DOP1B: variants seen among roughly 807,000 people sequenced by gnomAD.
The protein encoded by DOP1B is protein DOP1B.
Under a neutral mutation model 233.5 loss-of-function variants are expected in DOP1B, and 174 were observed. The observed-to-expected ratio is 0.75, with a 90% confidence interval of 0.66 to 0.85. DOP1B has a LOEUF of 0.85. Ranked by LOEUF, DOP1B falls within the 40% of genes least tolerant of loss-of-function variation. The pLI is 0.00. For synonymous variants in DOP1B, 1,190 were observed against 1,185.6 expected (o/e 1.00, Z -0.08); for missense variants, 2,652 against 2,846.6 (o/e 0.93, Z 1.56).
Position 36,203,235 on chromosome 21 carries a change from C to A in DOP1B, c.491+2734C>A, listed in dbSNP as rs181621591. 2.2e-3 allele frequency among the ~76,000 whole-genome samples: 333 copies of A among 152,230 alleles called. 1 individual carries two copies. Among genetic ancestry groups the A allele is most frequent in the African/African-American group, 7.5e-3 (311 of 41,516 alleles). ...TTTAGCTGTGACAGAAAACCAAATG[C>A]AGTGTGGCACCCAGAAGTGATTAGT... is the stretch of plus-strand genomic sequence containing the variant. On this transcript the variant is annotated intron_variant, in intron 4 of 36. Transcript: ENST00000691173.
At chr21:36,286,170 C>CT (rs1389084655) in intron 32 of DOP1B, among the ~76,000 whole-genome samples, 2 of 152,048 alleles carry the variant, frequency 1.3e-5, no homozygotes, top group Non-Finnish European at 2.9e-5. Flanking sequence ...TGACATCAGT[C>CT]TTACGTCTTT....
chr21:36,177,852 C>T (rs2066049876), intron 2 of DOP1B, among the ~76,000 whole-genome samples: 1 of 152,154 alleles, frequency 6.6e-6, no homozygotes, highest in Non-Finnish European at 1.5e-5. Flanking sequence ...AATTTATTTT[C>T]TTTATAAATG....
At chr21:36,229,275 A>G (rs1269435654) in intron 13 of DOP1B, among the ~76,000 whole-genome samples, 1 of 152,184 alleles carries the variant, frequency 6.6e-6, no homozygotes, top group African/African-American at 2.4e-5. Context: ...CCAGGGCCTG[A>G]CACGAAGGTG....
chr21:36,197,871 T>A (rs2066309752), intron 2 of DOP1B, among the ~76,000 whole-genome samples: 2 of 151,476 alleles, frequency 1.3e-5, no homozygotes, highest in African/African-American at 4.9e-5. Context: ...ATTAGCTGGA[T>A]GTGGTGGCGT....
At chr21:36,275,618 C>CA (rs111840768) in intron 27 of DOP1B, among the ~76,000 whole-genome samples, 61,059 of 132,092 alleles carry the variant, frequency 0.46, 12,704 homozygotes, top group Middle Eastern at 0.57. Context: ...GAACTTGTCT[C>CA]AAAAAAAAAA....
chr21:36,281,743 G>T, intron 32 of DOP1B, 132 bp downstream of exon 32: 1 of 801,268 alleles, frequency 1.2e-6, no homozygotes, highest in Non-Finnish European at 1.8e-6. Flanking sequence ...GCTGGCGTCT[G>T]GCAAGGGCCT....
chr21:36,218,506 G>C (rs1022092510), intron 9 of DOP1B, among the ~76,000 whole-genome samples: 1 of 152,032 alleles, frequency 6.6e-6, no homozygotes, highest in African/African-American at 2.4e-5. Context: ...CTGGGCAACA[G>C]AGCAAGACTC....
Position 36,281,486 on chromosome 21 carries a change from T to C in DOP1B, c.6035T>C (p.Met2012Thr). The C allele has an allele frequency of 6.3e-7, 1 of 1,598,218 alleles. No homozygotes were observed. Among genetic ancestry groups the C allele is most frequent in the Non-Finnish European group, 8.6e-7 (1 of 1,167,210 alleles). Residue 2012 changes from methionine (M) to threonine (T), a missense_variant, in exon 32 of 37, where the codon ATG becomes ACG. Around this residue, in one of 3 missense-constraint regions of DOP1B, gnomAD observed 2,617 missense variants for 2,794.3 expected, o/e 0.94. Coordinates refer to ENST00000691173, the MANE Select transcript of DOP1B (RefSeq NM_001320714.2). The stretch of plus-strand genomic sequence containing the variant: ...AACATTGCTGTATTTATTCTAGACA[T>C]GCAGAGCAGTTCTTTGAAACTATTC... ...EKTMFKDLMNMQSSSLKLFSS... is the reference protein window; with the variant it reads ...EKTMFKDLMNTQSSSLKLFSS...
At chr21:36,220,597 C>A (rs2066612903) in intron 10 of DOP1B, among the ~76,000 whole-genome samples, 1 of 151,910 alleles carries the variant, frequency 6.6e-6, no homozygotes, top group African/African-American at 2.4e-5. Flanking sequence ...GTCTCCTGGG[C>A]TCAAGCGATC....
rs151275062 is a variant in DOP1B, at chr21:36,233,015, G to A, written c.2562G>A (p.Thr854=). 1.2e-4 allele frequency: 191 copies of A among 1,613,922 alleles called. 1 individual carries two copies. Among genetic ancestry groups the A allele is most frequent in the Non-Finnish European group, 1.3e-4 (158 of 1,180,010 alleles). The change falls in exon 15 of 37, where the codon ACG becomes ACA. Residue 854 remains threonine, a synonymous_variant. Transcript: ENST00000691173. ...NPFFGKLQMV[T]VPPIAPGILK... ...TTTTTGGCAAGCTGCAGATGGTGAC[G>A]GTTCCTCCCATTGCTCCAGGGATAT...
At chr21:36,166,001 G>A (rs2065908018) in intron 2 of DOP1B, among the ~76,000 whole-genome samples, 1 of 151,654 alleles carries the variant, frequency 6.6e-6, no homozygotes, top group African/African-American at 2.4e-5. Flanking sequence ...ACAGGCGTGA[G>A]CCACCACACC....
At chr21:36,274,086 A>C (rs2067323436) in intron 27 of DOP1B, among the ~76,000 whole-genome samples, 1 of 152,134 alleles carries the variant, frequency 6.6e-6, no homozygotes, top group African/African-American at 2.4e-5. Flanking sequence ...AAAAAGAAAG[A>C]AAGCACACTA....
intron 15 of DOP1B, among the ~76,000 whole-genome samples, chr21:36,236,199 T>C (rs1466062111): frequency 6.6e-6 from 1 of 152,192 alleles, no homozygotes; most frequent in African/African-American, 2.4e-5. Flanking sequence ...CTCACCCTTG[T>C]TGGGGCAGGC....
intron 22 of DOP1B, 125 bp downstream of exon 22, chr21:36,251,409 T>G: frequency 7.6e-7 from 1 of 1,310,832 alleles, no homozygotes; most frequent in Non-Finnish European, 1.0e-6. Flanking sequence ...TTTAATCATT[T>G]TATCTTATTT....
intron 4 of DOP1B, among the ~76,000 whole-genome samples, chr21:36,207,483 C>T (rs2123485922): frequency 6.6e-6 from 1 of 150,444 alleles, no homozygotes; most frequent in African/African-American, 2.5e-5. Context: ...CCACGCCCAG[C>T]CAAACAGTTT....
At chr21:36,167,353 G>A (rs770781734) in intron 2 of DOP1B, among the ~76,000 whole-genome samples, 16 of 151,766 alleles carry the variant, frequency 1.1e-4, no homozygotes. Flanking sequence ...TTTTGTATTT[G>A]TAGTAGAGAT....
At chr21:36,235,711 T>C (rs945362320) in intron 15 of DOP1B, among the ~76,000 whole-genome samples, 1 of 151,946 alleles carries the variant, frequency 6.6e-6, no homozygotes, top group Non-Finnish European at 1.5e-5. Context: ...CTGGGGCACA[T>C]AGTGAGACCC....
intron 27 of DOP1B, among the ~76,000 whole-genome samples, chr21:36,276,099 C>T (rs1418421461): frequency 6.6e-6 from 1 of 151,878 alleles, no homozygotes; most frequent in Non-Finnish European, 1.5e-5. Context: ...AGGCCAGGGG[C>T]TTAGAGGCTG....
intron 4 of DOP1B, among the ~76,000 whole-genome samples, chr21:36,207,729 T>G (rs182470191): frequency 1.3e-5 from 2 of 152,242 alleles, no homozygotes; most frequent in Middle Eastern, 3.4e-3. Context: ...TTCTGATTGT[T>G]TTTTGTGGTC....
Sources: gnomAD v4.1 joint callset for allele counts (sites outside exome capture counted in the v4.1 genomes callset) on GRCh38, gnomAD v4.1.1 for gene constraint, gnomAD v4.1.1 regional missense constraint, MANE v1.5 for transcripts, NCBI Gene and HGNC (gene_info 2026-07-23, HGNC 2026-07-21) for gene names.